PCM1: variants seen among roughly 807,000 people sequenced by gnomAD.
PCM1 encodes pericentriolar material 1.
A neutral mutation model predicts 241.9 loss-of-function variants in PCM1; 157 were observed. The ratio of observed to expected loss-of-function variants is 0.65; its 90% CI spans 0.57 to 0.74. The LOEUF (loss-of-function observed/expected upper bound fraction) is 0.74. Among genes scored for constraint, PCM1 ranks in the 30% least tolerant of loss-of-function variants. The pLI is 0.00. For synonymous variants in PCM1, 1,085 were observed against 784.9 expected (o/e 1.38, Z -6.39); for missense variants, 3,478 against 2,360.1 (o/e 1.47, Z -9.81).
intron 24 of PCM1, chr8:17,982,617 A>G (rs2081262033): frequency 6.6e-6 from 1 of 151,260 alleles, no homozygotes; most frequent in South Asian, 2.1e-4. Flanking sequence ...GCCTCAGCCC[A>G]CTGAGTAGCT....
intron 30 of PCM1, among the ~76,000 whole-genome samples, chr8:18,008,920 TAATA>T (rs1230146641): frequency 1.3e-5 from 2 of 152,224 alleles, no homozygotes; most frequent in Non-Finnish European, 2.9e-5. Flanking sequence ...CTCCTTGACA[TAATA>T]AATGTAGAGG....
chr8:18,006,899 C>G (rs1056112473), intron 30 of PCM1, among the ~76,000 whole-genome samples: 11 of 152,036 alleles, frequency 7.2e-5, no homozygotes, highest in African/African-American at 2.7e-4. Flanking sequence ...TTTATCACAG[C>G]AAGTAGTGTG....
intron 7 of PCM1, among the ~76,000 whole-genome samples, chr8:17,949,985 C>G (rs1391879911): frequency 1.3e-5 from 2 of 152,076 alleles, no homozygotes; most frequent in Admixed American, 1.3e-4. Flanking sequence ...ACAGCCACTT[C>G]AATAAATTAT....
At chr8:18,016,229 T>A (rs2093174487) in intron 36 of PCM1, among the ~76,000 whole-genome samples, 1 of 152,126 alleles carries the variant, frequency 6.6e-6, no homozygotes, top group Admixed American at 6.6e-5. Context: ...TCGAACTAGA[T>A]GTTTGACAGT....
intron 23 of PCM1, among the ~76,000 whole-genome samples, chr8:17,978,175 C>G (rs117020452): frequency 6.6e-6 from 1 of 151,872 alleles, no homozygotes; most frequent in Non-Finnish European, 1.5e-5. Flanking sequence ...TTCCAAATTA[C>G]AGGCCTAGAA....
At position 17,957,637 on chromosome 8, in the gene PCM1, T is replaced by C; in HGVS notation, c.1902T>C (p.Ser634=). The change falls in exon 13 of 39, where the codon AGT becomes AGC. Residue 634 remains serine (S), a synonymous_variant. Transcript: ENST00000325083. The part of the protein sequence containing the change: ...EEEEAEEEGV[S]GASLSSHRSS... ...AAGAAGCAGAAGAGGAGGGAGTCAG[T>C]GGAGCTTCATTATCTAGTCACAGGA... The C allele has an allele frequency of 6.3e-7, 1 of 1,590,822 alleles. No homozygotes were observed. Among genetic ancestry groups the C allele is most frequent in the Non-Finnish European group, 8.6e-7 (1 of 1,167,358 alleles).
chr8:18,013,697 G>C, intron 34 of PCM1: 1 of 311,460 alleles, frequency 3.2e-6, no homozygotes, highest in East Asian at 5.5e-5. Flanking sequence ...GTGTCTTTTA[G>C]AGTCTGAAAA....
At chr8:17,964,543 C>T (rs776291572) in intron 17 of PCM1, 25 bp from the exon 18 acceptor site, 13 of 1,571,286 alleles carry the variant, frequency 8.3e-6, no homozygotes, top group Non-Finnish European at 1.1e-5. Flanking sequence ...AGAATGACAT[C>T]TGTTTTATGT....
At chr8:17,974,558 G>T (rs1277477433) in intron 23 of PCM1, among the ~76,000 whole-genome samples, 1 of 152,116 alleles carries the variant, frequency 6.6e-6, no homozygotes, top group African/African-American at 2.4e-5. Context: ...GCCAGTATTG[G>T]TCTGTGGACT....
chr8:17,953,704 C>T (rs1285533526), intron 9 of PCM1, among the ~76,000 whole-genome samples: 1 of 152,190 alleles, frequency 6.6e-6, no homozygotes, highest in African/African-American at 2.4e-5. Context: ...ATAATCATCT[C>T]AAGCAGGTAT....
At chr8:18,008,815 T>C (rs1252027056) in intron 30 of PCM1, among the ~76,000 whole-genome samples, 1 of 152,180 alleles carries the variant, frequency 6.6e-6, no homozygotes, top group African/African-American at 2.4e-5. Flanking sequence ...TGATCTTTCC[T>C]AGTCATTTAC....
intron 6 of PCM1, among the ~76,000 whole-genome samples, chr8:17,943,287 G>A (rs2062774326): frequency 6.6e-6 from 1 of 151,230 alleles, no homozygotes; most frequent in African/African-American, 2.4e-5. Context: ...GAATTTGAGA[G>A]CACAGTTTGA....
At position 17,945,113 on chromosome 8, in the gene PCM1, T is replaced by G. The variant is rs193208579; in HGVS notation, c.784-2073T>G. Among the ~76,000 whole-genome samples, 35 of 152,248 alleles carry G rather than the reference T, an allele frequency of 2.3e-4. 1 individual carries two copies. In the East Asian group the frequency reaches 6.8e-3, roughly 29 times the overall value. On this transcript the variant is annotated intron_variant, in intron 6 of 38. Coordinates refer to ENST00000325083, the MANE Select transcript of PCM1 (RefSeq NM_006197.4). ...TTTGGTTTTACATTTTACCGTTGAC[T>G]TTGATGAAATCATTATAAAATTATT... is the stretch of plus-strand genomic sequence containing the variant.
Position 17,955,698 on chromosome 8 carries a change from G to A in PCM1, c.1472+45G>A, listed in dbSNP as rs781085032. 4 of 1,380,172 alleles carry A rather than the reference G, an allele frequency of 2.9e-6. No homozygotes were observed. The South Asian group carries it at 4.9e-5, about 17-fold the overall frequency. The allele number at this position is 1,380,172 out of a possible 1,614,324, so 85.5% of individuals were successfully genotyped here. A position where few individuals can be genotyped will look rare whatever the true frequency, so the allele number is the denominator to read the frequency against. ...TGTTTACATGAAGTTAAATAATAGG[G>A]ATAAATTCTGTTTTTTTTTTTATGT... On this transcript the variant is annotated intron_variant, in intron 10 of 38. Coordinates refer to ENST00000325083, the MANE Select transcript of PCM1 (RefSeq NM_006197.4).
At chr8:17,999,067 G>C (rs534517059) in intron 29 of PCM1, among the ~76,000 whole-genome samples, 51 of 152,238 alleles carry the variant, frequency 3.4e-4, no homozygotes, top group African/African-American at 1.2e-3. Flanking sequence ...CTCTGGCCCA[G>C]GGCAGGTCCA....
intron 28 of PCM1, among the ~76,000 whole-genome samples, chr8:17,992,742 G>T (rs1052008937): frequency 6.6e-6 from 1 of 150,892 alleles, no homozygotes; most frequent in Non-Finnish European, 1.5e-5. Context: ...TCAGCCTCCC[G>T]AGTAGCAGGC....
intron 7 of PCM1, 109 bp from the exon 8 acceptor site, chr8:17,950,506 C>G (rs1057451502): frequency 2.6e-5 from 16 of 622,956 alleles, no homozygotes; most frequent in East Asian, 1.1e-4. Flanking sequence ...TTTCAAGTTA[C>G]GTATGTGAGC....
intron 6 of PCM1, among the ~76,000 whole-genome samples, chr8:17,941,900 T>C (rs552656867): frequency 7.9e-5 from 12 of 152,274 alleles, no homozygotes; most frequent in African/African-American, 2.6e-4. Context: ...ATATTTCCTC[T>C]TCTTTATTTG....
At chr8:18,015,251 T>TAAA (rs34076308) in intron 36 of PCM1, among the ~76,000 whole-genome samples, 7 of 145,248 alleles carry the variant, frequency 4.8e-5, no homozygotes, top group Non-Finnish European at 6.0e-5. Context: ...CAGTGAATGA[T>TAAA]AAAAAAAAAA....
Sources: gnomAD v4.1 joint callset for allele counts (sites outside exome capture counted in the v4.1 genomes callset) on GRCh38, gnomAD v4.1.1 for gene constraint, MANE v1.5 for transcripts, NCBI Gene and HGNC (gene_info 2026-07-23, HGNC 2026-07-21) for gene names.